Variants in LRRC49 observed in about 807,000 individuals in gnomAD.
LRRC49 encodes the protein leucine rich repeat containing 49.
A neutral mutation model predicts 83.3 loss-of-function variants in LRRC49; 50 were observed. The observed-to-expected ratio is 0.60, with a 90% confidence interval of 0.48 to 0.76. LRRC49 has a LOEUF of 0.76. Ranked by LOEUF, LRRC49 falls within the 30% of genes least tolerant of loss-of-function variation. LRRC49 has a pLI of 0.00. For missense variants in LRRC49, 704 were observed against 809.1 expected, an observed-to-expected ratio of 0.87 and a Z score of 1.58; for synonymous variants, 286 against 283.3, an observed-to-expected ratio of 1.01 and a Z score of -0.10.
chr15:70,964,897 ATG>A (rs2036739727), intron 9 of LRRC49, among the ~76,000 whole-genome samples: 1 of 152,100 alleles, frequency 6.6e-6, no homozygotes, highest in Non-Finnish European at 1.5e-5. Context: ...TAGCATCACA[ATG>A]TGTGCAGTTT....
At chr15:71,011,674 G>A (rs1405359084) in intron 13 of LRRC49, among the ~76,000 whole-genome samples, 1 of 152,112 alleles carries the variant, frequency 6.6e-6, no homozygotes, top group Admixed American at 6.6e-5. Context: ...AAAACATGGA[G>A]TAGTGGCCTG....
intron 7 of LRRC49, among the ~76,000 whole-genome samples, chr15:70,932,726 C>CTTTTTTTTT (rs5813614): frequency 4.1e-5 from 4 of 97,202 alleles, no homozygotes; most frequent in Non-Finnish European, 6.2e-5. Flanking sequence ...CTTTCTCTGT[C>CTTTTTTTTT]TTTTTTTTTT....
At chr15:70,882,204 G>A (rs1348491067) in intron 2 of LRRC49, 3 of 365,138 alleles carry the variant, frequency 8.2e-6, no homozygotes, top group African/African-American at 2.1e-5. Flanking sequence ...GTTTTGCTTT[G>A]TAACCTGATT....
chr15:70,941,685 CCTT>C (rs2035822778), intron 8 of LRRC49, among the ~76,000 whole-genome samples: 1 of 152,064 alleles, frequency 6.6e-6, no homozygotes, highest in Admixed American at 6.6e-5. Context: ...TTATTATCCT[CCTT>C]ATATCAGCAT....
intron 9 of LRRC49, among the ~76,000 whole-genome samples, chr15:70,973,797 G>T (rs1370991553): frequency 1.3e-5 from 2 of 152,128 alleles, no homozygotes; most frequent in Non-Finnish European, 2.9e-5. Flanking sequence ...CAGTCAACTT[G>T]ATGTTGATTC....
At chr15:70,979,961 A>T (rs1156851228) in intron 9 of LRRC49, 140 bp from the exon 10 acceptor site, 13 of 524,350 alleles carry the variant, frequency 2.5e-5, no homozygotes, top group Non-Finnish European at 4.1e-5. Context: ...GAAACATACT[A>T]AATTTTTCTT....
chr15:70,885,926 G>C (rs1466177773), intron 2 of LRRC49, among the ~76,000 whole-genome samples: 3 of 152,062 alleles, frequency 2.0e-5, no homozygotes, highest in Non-Finnish European at 4.4e-5. Context: ...AAACTATTTT[G>C]AGCATGTTAC....
At chr15:71,008,720 G>T in intron 12 of LRRC49, 104 bp downstream of exon 12, 1 of 747,106 alleles carries the variant, frequency 1.3e-6, no homozygotes, top group Non-Finnish European at 2.1e-6. Context: ...TTTCTATCTG[G>T]CAGGAAGATT....
intron 8 of LRRC49, among the ~76,000 whole-genome samples, chr15:70,953,910 A>G (rs548083906): frequency 8.2e-4 from 124 of 151,812 alleles, no homozygotes; most frequent in African/African-American, 2.9e-3. Flanking sequence ...TTATTTATTT[A>G]TTGAGACAGA....
intron 5 of LRRC49, 149 bp downstream of exon 5, chr15:70,904,904 T>C (rs529551288): frequency 1.0e-5 from 6 of 576,296 alleles, no homozygotes; most frequent in African/African-American, 1.9e-5. Context: ...TAAGATCCAG[T>C]CATAATTTGT....
intron 4 of LRRC49, among the ~76,000 whole-genome samples, chr15:70,902,917 A>C (rs1235461420): frequency 6.6e-6 from 1 of 152,102 alleles, no homozygotes; most frequent in East Asian, 1.9e-4. Context: ...GTTTTGTTGG[A>C]GTGACAGGGG....
At chr15:70,891,678 AATG>A (rs2033576868), upstream of LRRC49, among the ~76,000 whole-genome samples, 1 of 151,180 alleles carries the variant, frequency 6.6e-6, no homozygotes, top group Admixed American at 6.6e-5. Flanking sequence ...CCAAAGTGTT[AATG>A]ATAAGTGGGA....
At chr15:70,896,475 T>G (rs2033844707) in intron 3 of LRRC49, among the ~76,000 whole-genome samples, 1 of 152,178 alleles carries the variant, frequency 6.6e-6, no homozygotes, top group Non-Finnish European at 1.5e-5. Flanking sequence ...TTTGGAAATG[T>G]GCATTTTAAT....
At chr15:70,854,788 T>C (rs1379631430) in intron 1 of LRRC49, among the ~76,000 whole-genome samples, 1 of 152,138 alleles carries the variant, frequency 6.6e-6, no homozygotes, top group Non-Finnish European at 1.5e-5. Flanking sequence ...TGAATCAGAA[T>C]CTATGATTCA....
At chr15:70,859,730 C>T in intron 1 of LRRC49, 1 of 697,818 alleles carries the variant, frequency 1.4e-6, no homozygotes, top group Non-Finnish European at 2.7e-6. Context: ...AGATGTGGAG[C>T]AGCGTGGGGA....
At chr15:70,873,743 G>A (rs1190856062) in intron 2 of LRRC49, among the ~76,000 whole-genome samples, 1 of 152,192 alleles carries the variant, frequency 6.6e-6, no homozygotes, top group Non-Finnish European at 1.5e-5. Flanking sequence ...AACACAGCAA[G>A]AGGACAAGCC....
upstream of LRRC49, among the ~76,000 whole-genome samples, chr15:70,888,954 T>A (rs1383132377): frequency 6.6e-6 from 1 of 152,178 alleles, no homozygotes; most frequent in Non-Finnish European, 1.5e-5. Flanking sequence ...AAATCCCACG[T>A]ATAGGCAAGA....
intron 14 of LRRC49, among the ~76,000 whole-genome samples, chr15:71,030,602 G>T (rs1366421469): frequency 6.6e-6 from 1 of 152,130 alleles, no homozygotes; most frequent in African/African-American, 2.4e-5. Context: ...ATAATATTCT[G>T]AAGTGTGTTT....
chr15:70,925,055 C>T (rs915403086), intron 7 of LRRC49, among the ~76,000 whole-genome samples: 3 of 152,002 alleles, frequency 2.0e-5, no homozygotes, highest in Non-Finnish European at 2.9e-5. Context: ...TAATTTGAAA[C>T]AGACATTTTC....
Sources: gnomAD v4.1 joint callset for allele counts (sites outside exome capture counted in the v4.1 genomes callset) on GRCh38, gnomAD v4.1.1 for gene constraint, MANE v1.5 for transcripts, NCBI Gene and HGNC (gene_info 2026-07-23, HGNC 2026-07-21) for gene names.